Variants in NMD3 observed in about 807,000 individuals in gnomAD.
NMD3 encodes the protein 60S ribosomal export protein NMD3.
In NMD3, 47 loss-of-function variants were observed where a neutral mutation model predicts 73.1. The observed-to-expected ratio is 0.64, with a 90% CI of 0.51 to 0.82. NMD3 has a LOEUF of 0.82. Ranked by LOEUF, NMD3 falls within the 40% of genes least tolerant of loss-of-function variation. NMD3 has a pLI of 0.00. For missense variants in NMD3, 554 were observed against 612.5 expected, an observed-to-expected ratio of 0.90 and a Z score of 1.01; for synonymous variants, 210 against 194.5, an observed-to-expected ratio of 1.08 and a Z score of -0.66.
Position 161,249,602 on chromosome 3 carries a change from A to G in NMD3, c.1310+42A>G, listed in dbSNP as rs570022111. 5.1e-6 allele frequency: 6 copies of G among 1,172,712 alleles called. No homozygotes were observed. In the South Asian group the frequency reaches 7.6e-5, roughly 15 times the overall value. The allele number at this position is 1,172,712 out of a possible 1,614,324, so 72.6% of individuals were successfully genotyped here. A position where few individuals can be genotyped will look rare whatever the true frequency, so the allele number is the denominator to read the frequency against. ...AATCTCTTATGTTGTCTCAAAGGAA[A>G]TATTTATGATAAATACTTTTTATGT... is the stretch of plus-strand genomic sequence containing the variant. On this transcript the variant is annotated intron_variant, in intron 14 of 15. Transcript: ENST00000351193.
chr3:161,241,033 T>C lies in NMD3; in HGVS notation c.754-13T>C, dbSNP rs754488686. On this transcript the variant is annotated splice_polypyrimidine_tract_variant and intron_variant, in intron 9 of 15. Coordinates refer to ENST00000351193, the MANE Select transcript of NMD3 (RefSeq NM_015938.5). Reference sequence around the variant, plus strand: ...GGATATGCCTCATTCTAAATGTTAGTTCTTATGCCTAGGATAATGTTGTCT... The same window carrying C: ...GGATATGCCTCATTCTAAATGTTAGCTCTTATGCCTAGGATAATGTTGTCT... The C allele has an allele frequency of 6.5e-7, 1 of 1,534,976 alleles. No homozygotes were observed.
chr3:161,242,991 A>G (rs983639212), intron 11 of NMD3, among the ~76,000 whole-genome samples: 1 of 152,136 alleles, frequency 6.6e-6, no homozygotes, highest in Non-Finnish European at 1.5e-5. Context: ...AAAAGTCATC[A>G]CCAAATACTA....
chr3:161,222,016 G>GGAGT lies in NMD3; in HGVS notation c.4_7dup (p.Tyr3Ter). 1 of 1,444,422 alleles carries GGAGT rather than the reference G, an allele frequency of 6.9e-7. No individual in the cohort carries two copies. The highest frequency in any genetic ancestry group is 9.6e-7 in the Non-Finnish European group (1 of 1,045,592). 89.5% of individuals were successfully genotyped at this position (1,444,422 alleles called of 1,614,324 possible). A position where few individuals can be genotyped will look rare whatever the true frequency, so the allele number is the denominator to read the frequency against. ...AAGAACTTAAGGCATACAGAACGATGGAGTATATGGCAGAATCCACCGACC... is the reference window on the plus strand; with the variant it reads ...AAGAACTTAAGGCATACAGAACGATGGAGTGAGTATATGGCAGAATCCACCGACC... On this transcript the variant is annotated frameshift_variant, in exon 2 of 16. Coordinates refer to ENST00000351193, the MANE Select transcript of NMD3 (RefSeq NM_015938.5). LOFTEE classifies it high-confidence loss of function.
Position 161,237,795 on chromosome 3 carries a change from TGGGATTACA to T in NMD3, c.578-315_578-307del, listed in dbSNP as rs1228219624. 2.6e-5 allele frequency among the ~76,000 whole-genome samples: 4 copies of T among 152,174 alleles called. No homozygotes were observed. In the East Asian group the frequency reaches 7.7e-4, roughly 29 times the overall value. On this transcript the variant is annotated intron_variant, in intron 7 of 15. Transcript: ENST00000351193. ...CACCCAGCTCAGCCTCCCAAAGTGC[TGGGATTACA>T]GGCATGAGCCACCGCACCCGGCTGT...
intron 7 of NMD3, among the ~76,000 whole-genome samples, chr3:161,235,941 T>C (rs568434938): frequency 6.6e-6 from 1 of 152,100 alleles, no homozygotes; most frequent in Admixed American, 6.5e-5. Flanking sequence ...TTATGTTAGT[T>C]TTTTCAAAAA....
In NMD3 at chr3:161,251,966, T is replaced by A. The variant is rs1379405013; in HGVS notation, c.*1056T>A. The A allele has an allele frequency of 1.3e-5, 2 of 152,244 alleles. No homozygotes were observed. The highest frequency in any genetic ancestry group is 4.8e-5 in the African/African-American group (2 of 41,472). 9.4% of individuals were successfully genotyped at this position (152,244 alleles called of 1,614,324 possible). On this transcript the variant is annotated 3_prime_UTR_variant, in exon 16 of 16. Transcript: ENST00000351193. Reference sequence around the variant, plus strand: ...ATGCCGCAAGTAAGAGCTAATTCATTCATTCCATGTGTGCCACTAAATAAA... The same window carrying A: ...ATGCCGCAAGTAAGAGCTAATTCATACATTCCATGTGTGCCACTAAATAAA...
chr3:161,221,992 A>AG lies in NMD3; in HGVS notation c.-20-1dup. The AG allele has an allele frequency of 7.8e-7, 1 of 1,289,728 alleles. No individual in the cohort carries two copies. Among genetic ancestry groups the AG allele is most frequent in the Non-Finnish European group, 1.1e-6 (1 of 950,216 alleles). 79.9% of individuals were successfully genotyped at this position (1,289,728 alleles called of 1,614,324 possible). A position where few individuals can be genotyped will look rare whatever the true frequency, so the allele number is the denominator to read the frequency against. On this transcript the variant is annotated splice_acceptor_variant, in intron 1 of 15. Transcript: ENST00000351193. LOFTEE classifies it low-confidence loss of function (5UTR_SPLICE). The stretch of plus-strand genomic sequence containing the variant: ...TTTTTTTTTTTTTTTTTTTTTTAAA[A>AG]GAACTTAAGGCATACAGAACGATGG...
chr3:161,240,650 A>G (rs1398846353), intron 9 of NMD3, among the ~76,000 whole-genome samples: 1 of 149,792 alleles, frequency 6.7e-6, no homozygotes, highest in East Asian at 2.0e-4. Flanking sequence ...TCAGCCTCCC[A>G]AGTAGCTAGG....
intron 15 of NMD3, 41 bp from the exon 16 acceptor site, chr3:161,250,739 A>G (rs760904591): frequency 1.5e-6 from 2 of 1,323,374 alleles, no homozygotes; most frequent in Non-Finnish European, 2.1e-6. Context: ...GTATACATAT[A>G]AATACTTTGT....
In NMD3 at chr3:161,246,345, G is replaced by A. The variant is rs371925040; in HGVS notation, c.1027G>A (p.Gly343Arg). ...TTTCTTTCCTCTTAAGCATACCCTC[G>A]GGGAAGTCTGGGTACAGAAGACATC... ...AGMISKKHTL[G>R]EVWVQKTSEM... The change falls in exon 12 of 16, where the codon GGG becomes AGG. Residue 343 changes from glycine (G) to arginine (R), a missense_variant. Gly to Arg is a moderately radical substitution (Grantham distance 125). Transcript: ENST00000351193. 6.5e-5 allele frequency: 91 copies of A among 1,397,912 alleles called. No homozygotes were observed. In the African/African-American group the frequency reaches 1.1e-3, roughly 17 times the overall value. 86.6% of individuals were successfully genotyped at this position (1,397,912 alleles called of 1,614,324 possible). A position where few individuals can be genotyped will look rare whatever the true frequency, so the allele number is the denominator to read the frequency against.
intron 11 of NMD3, among the ~76,000 whole-genome samples, chr3:161,243,583 A>G (rs1035991859): frequency 2.6e-5 from 4 of 152,150 alleles, no homozygotes; most frequent in African/African-American, 9.7e-5. Context: ...TATGATACCA[A>G]CTTCCTTAGA....
intron 2 of NMD3, among the ~76,000 whole-genome samples, chr3:161,224,675 T>A (rs1237638628): frequency 6.6e-6 from 1 of 151,838 alleles, no homozygotes; most frequent in Non-Finnish European, 1.5e-5. Context: ...TTAGTAGAGA[T>A]GGGGTTTCAC....
chr3:161,241,149 C>G lies in NMD3; in HGVS notation c.857C>G (p.Pro286Arg), dbSNP rs1281276071. Residue 286 changes from proline to arginine, a missense_variant, in exon 10 of 16, where the codon CCA becomes CGA. By Grantham distance (103) the Pro-to-Arg change is moderately radical. Coordinates refer to ENST00000351193, the MANE Select transcript of NMD3 (RefSeq NM_015938.5). ...ACCAGTGCCATTCACCTCATTGATCCAAACACCCTACAAGGTAAATTCTGG... is the reference window on the plus strand; with the variant it reads ...ACCAGTGCCATTCACCTCATTGATCGAAACACCCTACAAGGTAAATTCTGG... ...RVTSAIHLID[P>R]NTLQVADIDG... is the part of the protein sequence containing the mutation. 6.3e-7 allele frequency: 1 copy of G among 1,593,712 alleles called. No homozygotes were observed. Among genetic ancestry groups the G allele is most frequent in the South Asian group, 1.1e-5 (1 of 90,358 alleles).
chr3:161,251,095 T>TA lies in NMD3; in HGVS notation c.*187dup, dbSNP rs1737469876. The TA allele has an allele frequency of 2.2e-6, 1 of 464,958 alleles. No homozygotes were observed. The highest frequency in any genetic ancestry group is 3.7e-5 in the Admixed American group (1 of 26,718). 28.8% of individuals were successfully genotyped at this position (464,958 alleles called of 1,614,324 possible). On this transcript the variant is annotated 3_prime_UTR_variant, in exon 16 of 16. Transcript: ENST00000351193. ...AGATGGATAGCTTTGAGGTTTTAGA[T>TA]AAGGAAAGATTATGGAGAATGTAGT...
At chr3:161,223,246 T>C (rs1736179776) in intron 2 of NMD3, 1 of 152,228 alleles carries the variant, frequency 6.6e-6, no homozygotes. Flanking sequence ...AATACTTGGT[T>C]GCTCGTTTGT....
At chr3:161,236,137 G>A (rs1309040456) in intron 7 of NMD3, among the ~76,000 whole-genome samples, 1 of 151,906 alleles carries the variant, frequency 6.6e-6, no homozygotes, top group Non-Finnish European at 1.5e-5. Context: ...GGTACTTATA[G>A]CTACCTTTTT....
downstream of NMD3, chr3:161,252,878 C>G (rs1195575219): frequency 1.5e-6 from 1 of 655,648 alleles, no homozygotes; most frequent in African/African-American, 1.8e-5. Flanking sequence ...GAGGGCAGAT[C>G]ACTTCAGGCC....
In NMD3 at chr3:161,252,079, A is replaced by G. The variant is rs1468299346; in HGVS notation, c.*1169A>G. 3.9e-5 allele frequency: 6 copies of G among 151,934 alleles called. No individual in the cohort carries two copies. Among genetic ancestry groups the G allele is most frequent in the Non-Finnish European group, 8.8e-5 (6 of 67,970 alleles). The allele number at this position is 151,934 out of a possible 1,614,324, so 9.4% of individuals were successfully genotyped here. On this transcript the variant is annotated 3_prime_UTR_variant, in exon 16 of 16. Transcript: ENST00000351193. ...TTTGAAATTATGGATAAAGTCCTAA[A>G]TTTTCTATAGTGGCTTCTTTTCTGT...
At chr3:161,226,372 C>G (rs964678449) in intron 3 of NMD3, among the ~76,000 whole-genome samples, 1 of 150,958 alleles carries the variant, frequency 6.6e-6, no homozygotes. Flanking sequence ...CGCTTGAACC[C>G]GAGAGGCAGA....
Sources: gnomAD v4.1 joint callset for allele counts (sites outside exome capture counted in the v4.1 genomes callset) on GRCh38, gnomAD v4.1.1 for gene constraint, MANE v1.5 for transcripts, NCBI Gene and HGNC (gene_info 2026-07-23, HGNC 2026-07-21) for gene names.